Variants in BICDL1 observed in about 807,000 individuals in gnomAD.
BICDL1 encodes the protein BICD family-like cargo adapter 1.
Under a neutral mutation model 76.8 loss-of-function variants are expected in BICDL1, and 20 were observed. The ratio of observed to expected loss-of-function variants is 0.26; its 90% confidence interval spans 0.18 to 0.38. BICDL1 has a LOEUF of 0.38. Ranked by LOEUF, BICDL1 falls within the 10% of genes least tolerant of loss-of-function variation. BICDL1 has a pLI of 1.00. For synonymous variants in BICDL1, 383 were observed against 337.1 expected, an observed-to-expected ratio of 1.14 and a Z score of -1.49; for missense variants, 700 against 798.6, an observed-to-expected ratio of 0.88 and a Z score of 1.49.
chr12:120,027,968 T>C (rs1285002704), intron 2 of BICDL1, among the ~76,000 whole-genome samples: 1 of 152,212 alleles, frequency 6.6e-6, no homozygotes, highest in South Asian at 2.1e-4. Context: ...CCTAAATGGG[T>C]GTTTTTAAGG....
intron 2 of BICDL1, among the ~76,000 whole-genome samples, chr12:120,026,438 A>G (rs963072509): frequency 1.3e-5 from 2 of 151,324 alleles, no homozygotes; most frequent in African/African-American, 2.4e-5. Flanking sequence ...GTGAAGTTCT[A>G]AAAAAAAATA....
At chr12:119,995,482 G>C (rs1172119519) in intron 1 of BICDL1, among the ~76,000 whole-genome samples, 1 of 152,158 alleles carries the variant, frequency 6.6e-6, no homozygotes, top group Non-Finnish European at 1.5e-5. Flanking sequence ...ACAGCTGTTT[G>C]CTGAATATTT....
In BICDL1 at chr12:119,990,277, G is replaced by A. The variant is rs1347877421; in HGVS notation, c.409G>A (p.Glu137Lys). 2 of 1,570,846 alleles carry A rather than the reference G, an allele frequency of 1.3e-6. No individual in the cohort carries two copies. The highest frequency in any genetic ancestry group is 1.7e-6 in the Non-Finnish European group (2 of 1,158,920). The change falls in exon 1 of 10, where the codon GAG becomes AAG. Residue 137 changes from glutamate (E) to lysine (K), a missense_variant. Coordinates refer to ENST00000548673, the MANE Select transcript of BICDL1 (RefSeq NM_001367886.1). The part of the protein sequence containing the change: ...MSRQYEQMHK[E>K]LTDKLEHLEQ... ...CCGGCAGTACGAGCAGATGCATAAG[G>A]AGCTGACAGACAAGCTCGAGGTGAG...
Position 119,989,806 on chromosome 12 carries a change from C to A in BICDL1, c.-63C>A. On this transcript the variant is annotated 5_prime_UTR_variant, in exon 1 of 10. Transcript: ENST00000548673. Reference sequence around the variant, plus strand: ...CGCGGGGCGGCGCGGCAGGGCCCCTCCCCCCTGCAGCCTGGCGCGCGCGGG... The same window carrying A: ...CGCGGGGCGGCGCGGCAGGGCCCCTACCCCCTGCAGCCTGGCGCGCGCGGG... 3 of 816,048 alleles carry A rather than the reference C, an allele frequency of 3.7e-6. No homozygotes were observed. Among genetic ancestry groups the A allele is most frequent in the Non-Finnish European group, 4.5e-6 (3 of 662,030 alleles). 50.6% of individuals were successfully genotyped at this position (816,048 alleles called of 1,614,324 possible). A position where few individuals can be genotyped will look rare whatever the true frequency, so the allele number is the denominator to read the frequency against.
chr12:119,999,570 T>G (rs995075964), intron 2 of BICDL1, among the ~76,000 whole-genome samples: 2 of 152,230 alleles, frequency 1.3e-5, no homozygotes, highest in African/African-American at 4.8e-5. Flanking sequence ...CCACATTTAG[T>G]AAACATTCTT....
intron 1 of BICDL1, 78 bp downstream of exon 1, chr12:119,990,375 CACTCACCCCCACTTCGTT>C (rs986316964): frequency 4.3e-5 from 65 of 1,515,696 alleles, no homozygotes; most frequent in East Asian, 1.0e-4. Flanking sequence ...GTTAGGGAAC[CACTCACCCCCACTTCGTT>C]GCTCACCCTA....
At chr12:120,075,416 GAC>G (rs1318150514) in intron 7 of BICDL1, among the ~76,000 whole-genome samples, 2 of 148,654 alleles carry the variant, frequency 1.3e-5, no homozygotes, top group African/African-American at 5.0e-5. Flanking sequence ...TTCTTTTTGA[GAC>G]AGGGTTTCAC....
rs1203170030 is a variant in BICDL1 at position 119,989,777 on chromosome 12, G to A, written c.-92G>A. ...CGTGCCGCGGCGCGAGGCGAGGCGCGGGACGCGGGGCGGCGCGGCAGGGCC... is the reference window on the plus strand; with the variant it reads ...CGTGCCGCGGCGCGAGGCGAGGCGCAGGACGCGGGGCGGCGCGGCAGGGCC... On this transcript the variant is annotated 5_prime_UTR_variant, in exon 1 of 10. Coordinates refer to ENST00000548673, the MANE Select transcript of BICDL1 (RefSeq NM_001367886.1). 7 of 504,650 alleles carry A rather than the reference G, an allele frequency of 1.4e-5. No homozygotes were observed. In the Admixed American group the frequency reaches 2.0e-4, roughly 14 times the overall value. 31.3% of individuals were successfully genotyped at this position (504,650 alleles called of 1,614,324 possible).
intron 2 of BICDL1, chr12:120,056,941 C>T (rs2138876822): frequency 2.5e-6 from 1 of 394,656 alleles, no homozygotes; most frequent in East Asian, 7.0e-5. Flanking sequence ...TAGGGCTCTA[C>T]AGAGCAGAGG....
At chr12:120,084,719 G>A (rs754390338) in intron 8 of BICDL1, among the ~76,000 whole-genome samples, 4 of 151,264 alleles carry the variant, frequency 2.6e-5, no homozygotes, top group African/African-American at 4.9e-5. Flanking sequence ...GTGAAAGCCC[G>A]TCTCTACTAA....
Position 119,989,833 on chromosome 12 carries a change from C to G in BICDL1, c.-36C>G, listed in dbSNP as rs1388333602. ...CCCCTGCAGCCTGGCGCGCGCGGGCCGGGCCGCACCGCTGCGGGCTCCGCG... is the reference window on the plus strand; with the variant it reads ...CCCCTGCAGCCTGGCGCGCGCGGGCGGGGCCGCACCGCTGCGGGCTCCGCG... On this transcript the variant is annotated 5_prime_UTR_variant, in exon 1 of 10. Transcript: ENST00000548673. 1.7e-6 allele frequency: 2 copies of G among 1,176,336 alleles called. No individual in the cohort carries two copies. The highest frequency in any genetic ancestry group is 4.7e-5 in the Admixed American group (1 of 21,132). 72.9% of individuals were successfully genotyped at this position (1,176,336 alleles called of 1,614,324 possible).
chr12:120,061,925 A>AT, intron 3 of BICDL1, 99 bp downstream of exon 3: 2 of 755,622 alleles, frequency 2.6e-6, no homozygotes, highest in South Asian at 1.6e-5. Context: ...CTCTACAGAA[A>AT]GACATTTCTG....
intron 6 of BICDL1, among the ~76,000 whole-genome samples, chr12:120,073,412 G>A (rs1301913886): frequency 3.3e-5 from 5 of 152,208 alleles, no homozygotes; most frequent in African/African-American, 9.6e-5. Flanking sequence ...TGGTCCTAGT[G>A]GTAGGGTTAG....
intron 2 of BICDL1, among the ~76,000 whole-genome samples, chr12:120,059,293 T>C (rs542747198): frequency 1.3e-4 from 20 of 151,756 alleles, no homozygotes; most frequent in African/African-American, 3.9e-4. Context: ...TTTTTGAGAC[T>C]GAGTCTCGCT....
chr12:120,013,529 T>C (rs1952001178), intron 2 of BICDL1, among the ~76,000 whole-genome samples: 1 of 150,526 alleles, frequency 6.6e-6, no homozygotes, highest in African/African-American at 2.4e-5. Context: ...TGGCGCGATC[T>C]CGGCTCACTG....
chr12:120,003,632 A>G (rs1022927672), intron 2 of BICDL1, among the ~76,000 whole-genome samples: 1 of 152,216 alleles, frequency 6.6e-6, no homozygotes, highest in African/African-American at 2.4e-5. Flanking sequence ...TATTATTATC[A>G]TAGATACTCC....
chr12:120,062,058 T>C (rs1308141757), intron 3 of BICDL1, among the ~76,000 whole-genome samples: 3 of 152,160 alleles, frequency 2.0e-5, no homozygotes, highest in African/African-American at 7.2e-5. Flanking sequence ...TTTTACTGAA[T>C]ATGTTGATCT....
intron 8 of BICDL1, 89 bp from the exon 9 acceptor site, chr12:120,089,862 C>T (rs1265871899): frequency 3.3e-6 from 5 of 1,509,816 alleles, no homozygotes; most frequent in Non-Finnish European, 4.5e-6. Context: ...AGCCTGTTTC[C>T]TCATCCTGGG....
rs1262790314 is a variant in BICDL1 at position 119,990,168 on chromosome 12, G to C, written c.300G>C (p.Leu100=). ...QPPPSQDPEL[L]SVIRQKEKDL... ...CGCCCTCCCAGGACCCCGAGCTGCT[G>C]TCGGTGATCCGACAGAAGGAGAAGG... The change falls in exon 1 of 10, where the codon CTG becomes CTC. Residue 100 remains leucine (L), a synonymous_variant. Transcript: ENST00000548673. 6.4e-7 allele frequency: 1 copy of C among 1,553,128 alleles called. No homozygotes were observed. Among genetic ancestry groups the C allele is most frequent in the Admixed American group, 2.0e-5 (1 of 51,258 alleles).
Sources: gnomAD v4.1 joint callset for allele counts (sites outside exome capture counted in the v4.1 genomes callset) on GRCh38, gnomAD v4.1.1 for gene constraint, MANE v1.5 for transcripts, NCBI Gene and HGNC (gene_info 2026-07-23, HGNC 2026-07-21) for gene names.